Variants in GALNT18 observed in about 807,000 individuals in gnomAD.
The protein encoded by GALNT18 is GalNAc-transferase 18.
A neutral mutation model predicts 69.5 loss-of-function variants in GALNT18; 44 were observed. The observed-to-expected ratio is 0.63, with a 90% CI of 0.50 to 0.81. The LOEUF is 0.81. Among genes scored for constraint, GALNT18 ranks in the 40% least tolerant of loss-of-function variants. The pLI is 0.00. For missense variants in GALNT18, 715 were observed against 810.0 expected (o/e 0.88, Z 1.42); for synonymous variants, 364 against 318.2 (o/e 1.14, Z -1.53).
rs1470586812 is a variant in GALNT18 at position 11,591,320 on chromosome 11, A to G, written c.235+30039T>C. The stretch of plus-strand genomic sequence containing the variant: ...TTTGCACACTGATAATACTGTGTTA[A>G]CAATGCATTTCTCAGAACATATCCC... On this transcript the variant is annotated intron_variant, in intron 1 of 10. Coordinates refer to ENST00000227756, the MANE Select transcript of GALNT18 (RefSeq NM_198516.3). This position sits in a 1 kb window ranked among gnomAD's most constrained non-coding sequence, Gnocchi z 4.8. Among the ~76,000 whole-genome samples, 19 of 152,208 alleles carry G rather than the reference A, an allele frequency of 1.2e-4. No individual in the cohort carries two copies. The highest frequency in any genetic ancestry group is 1.2e-3 in the Admixed American group (19 of 15,282).
chr11:11,388,074 A>T (rs935772403), intron 3 of GALNT18, among the ~76,000 whole-genome samples: 13 of 152,232 alleles, frequency 8.5e-5, no homozygotes, highest in African/African-American at 2.7e-4. Flanking sequence ...TACTCAGGCT[A>T]CAGGGTTCAG....
chr11:11,490,315 G>C (rs563401885), intron 1 of GALNT18, among the ~76,000 whole-genome samples: 3 of 149,774 alleles, frequency 2.0e-5, no homozygotes, highest in African/African-American at 7.4e-5. Flanking sequence ...CTTACCAGAT[G>C]TTGGCCCCTC....
At chr11:11,284,681 T>C (rs992852161) in intron 10 of GALNT18, among the ~76,000 whole-genome samples, 24 of 152,204 alleles carry the variant, frequency 1.6e-4, no homozygotes, top group African/African-American at 2.4e-5. Context: ...CTTTTTTAAT[T>C]AATTTTCCAT....
At chr11:11,398,704 T>C (rs1275126149) in intron 3 of GALNT18, among the ~76,000 whole-genome samples, 1 of 152,174 alleles carries the variant, frequency 6.6e-6, no homozygotes, top group Non-Finnish European at 1.5e-5. Flanking sequence ...AGTTTTGATA[T>C]GGAGAAGAAA....
rs1412920517 is a variant in GALNT18 at position 11,309,684 on chromosome 11, C to T, written c.1513-16491G>A. Among the ~76,000 whole-genome samples the T allele has an allele frequency of 6.6e-6, 1 of 152,148 alleles. No individual in the cohort carries two copies. Among genetic ancestry groups the T allele is most frequent in the East Asian group, 1.9e-4 (1 of 5,192 alleles). ...GATCTTTAACCTCAACCAGGTACTTCAACACAACCTAGTATTACTTCTTTG... is the reference window on the plus strand; with the variant it reads ...GATCTTTAACCTCAACCAGGTACTTTAACACAACCTAGTATTACTTCTTTG... On this transcript the variant is annotated intron_variant, in intron 9 of 10. Transcript: ENST00000227756. This position sits in a 1 kb window ranked among gnomAD's most constrained non-coding sequence, Gnocchi z 4.6.
intron 10 of GALNT18, among the ~76,000 whole-genome samples, chr11:11,284,483 A>G (rs1378008220): frequency 1.3e-5 from 2 of 151,662 alleles, no homozygotes; most frequent in Admixed American, 1.3e-4. Context: ...ACAAGCTATG[A>G]CCCCCTTTCA....
At chr11:11,513,971 C>A (rs1857214355) in intron 1 of GALNT18, among the ~76,000 whole-genome samples, 1 of 102,192 alleles carries the variant, frequency 9.8e-6, no homozygotes, top group South Asian at 4.1e-4. Context: ...GCAGCTCAGA[C>A]CCTGAGTGCT....
At chr11:11,298,184 A>T (rs4382896) in intron 9 of GALNT18, among the ~76,000 whole-genome samples, 70,427 of 152,106 alleles carry the variant, frequency 0.46, 17,180 homozygotes, top group Middle Eastern at 0.57. Context: ...TAGCCCTCCA[A>T]AGAAGCCACC....
chr11:11,312,913 C>G (rs78317197), intron 9 of GALNT18, among the ~76,000 whole-genome samples: 14 of 152,256 alleles, frequency 9.2e-5, no homozygotes, highest in African/African-American at 3.1e-4. Flanking sequence ...AAGGCCTCTC[C>G]CTGGAGGAAC....
At chr11:11,428,056 A>G (rs920483515) in intron 3 of GALNT18, among the ~76,000 whole-genome samples, 1 of 152,180 alleles carries the variant, frequency 6.6e-6, no homozygotes, top group Non-Finnish European at 1.5e-5. Context: ...CTGATCCATC[A>G]CCCTCTTCCT....
intron 1 of GALNT18, among the ~76,000 whole-genome samples, chr11:11,557,905 A>G (rs1244164793): frequency 6.6e-6 from 1 of 152,198 alleles, no homozygotes; most frequent in African/African-American, 2.4e-5. Context: ...CTTGAAGCAG[A>G]AGCTGATTAT....
chr11:11,460,521 C>T (rs760685286), intron 1 of GALNT18, among the ~76,000 whole-genome samples: 9 of 152,200 alleles, frequency 5.9e-5, no homozygotes, highest in African/African-American at 1.7e-4. Flanking sequence ...CTGCAGGTGG[C>T]CATGAGCTGT....
chr11:11,422,088 T>C (rs746396181), intron 3 of GALNT18, among the ~76,000 whole-genome samples: 2 of 152,186 alleles, frequency 1.3e-5, no homozygotes, highest in South Asian at 4.1e-4. Context: ...TTTACTTCCA[T>C]AGAAAGTGGC....
chr11:11,287,137 G>GGGCCCTTGCACAAGGC (rs538606982), intron 10 of GALNT18, among the ~76,000 whole-genome samples: 1 of 152,156 alleles, frequency 6.6e-6, no homozygotes, highest in Non-Finnish European at 1.5e-5. Flanking sequence ...CAACCCTGCT[G>GGGCCCTTGCACAAGGC]GGCCCTTGCA....
intron 9 of GALNT18, among the ~76,000 whole-genome samples, chr11:11,319,392 C>T (rs1849807519): frequency 6.6e-6 from 1 of 152,192 alleles, no homozygotes; most frequent in South Asian, 2.1e-4. Context: ...TATAGCTTCA[C>T]AAGGACAGTC....
intron 1 of GALNT18, among the ~76,000 whole-genome samples, chr11:11,512,406 A>G (rs940626365): frequency 9.9e-5 from 15 of 152,206 alleles, no homozygotes; most frequent in Non-Finnish European, 1.5e-5. Flanking sequence ...TGTCATTTAC[A>G]GATTCTCTCT....
chr11:11,438,268 G>A (rs1855455563), intron 2 of GALNT18, among the ~76,000 whole-genome samples: 1 of 152,174 alleles, frequency 6.6e-6, no homozygotes, highest in African/African-American at 2.4e-5. Context: ...AATAAAACCA[G>A]AGGATGAAGG....
chr11:11,331,626 G>A (rs1257837811), intron 8 of GALNT18, among the ~76,000 whole-genome samples: 1 of 152,162 alleles, frequency 6.6e-6, no homozygotes, highest in Admixed American at 6.5e-5. Flanking sequence ...GGTCTGAGGG[G>A]ACACTCTCCA....
chr11:11,279,429 C>G lies in GALNT18; in HGVS notation c.1678-8139G>C, dbSNP rs1380470591. On this transcript the variant is annotated intron_variant, in intron 10 of 10. Transcript: ENST00000227756. ...TATACAACCCTATGACCCAACACTT[C>G]TATCAGAAACGTTTATACCAAAAAC... Among the ~76,000 whole-genome samples, 4 of 152,174 alleles carry G rather than the reference C, an allele frequency of 2.6e-5. No homozygotes were observed. The East Asian group carries it at 7.7e-4, about 29-fold the overall frequency.
Sources: gnomAD v4.1 joint callset for allele counts (sites outside exome capture counted in the v4.1 genomes callset) on GRCh38, gnomAD v4.1.1 for gene constraint, Gnocchi (gnomAD v3.1) non-coding constraint, MANE v1.5 for transcripts, NCBI Gene and HGNC (gene_info 2026-07-23, HGNC 2026-07-21) for gene names.